The following USP37 variants were observed in gnomAD, a reference collection of about 807,000 sequenced individuals.
USP37 encodes ubiquitin specific peptidase 37.
A neutral mutation model predicts 124.0 loss-of-function variants in USP37; 27 were observed. The observed-to-expected ratio is 0.22, with a 90% CI of 0.16 to 0.30. The LOEUF is 0.30. Among genes scored for constraint, USP37 ranks in the 10% least tolerant of loss-of-function variants. The probability of loss-of-function intolerance (pLI) is 1.00; values close to 1 mark genes in which losing one functional copy is unlikely to be tolerated. For missense variants in USP37, 889 were observed against 1,140.4 expected, an observed-to-expected ratio of 0.78 and a Z score of 3.17; for synonymous variants, 365 against 388.0, an observed-to-expected ratio of 0.94 and a Z score of 0.70.
In USP37 at chr2:218,546,975, C is replaced by A; in HGVS notation, c.546G>T (p.Thr182=). 6.2e-7 allele frequency: 1 copy of A among 1,612,988 alleles called. No homozygotes were observed. The highest frequency in any genetic ancestry group is 8.5e-7 in the Non-Finnish European group (1 of 1,179,748). The part of the protein sequence containing the change: ...KTVAGSGIAR[T]IPSLTSTSTP... ...TTGAAGTAGATGTCAAAGAAGGAAT[C>A]GTCCGAGCTATTCCACTTCCTGCTA... The change falls in exon 7 of 26, where the codon ACG becomes ACT. Residue 182 remains threonine, a synonymous_variant. Coordinates refer to ENST00000258399, the MANE Select transcript of USP37 (RefSeq NM_020935.3).
chr2:218,497,982 A>G lies in USP37; in HGVS notation c.1157+44T>C, dbSNP rs149180985. 351 of 1,568,592 alleles carry G rather than the reference A, an allele frequency of 2.2e-4. 1 individual carries two copies. In the African/African-American group the frequency reaches 4.0e-3, roughly 18 times the overall value. On this transcript the variant is annotated intron_variant, in intron 12 of 25. Coordinates refer to ENST00000258399, the MANE Select transcript of USP37 (RefSeq NM_020935.3). ...CTAAAATTCCATTATTCTATAATCAATGAAGTAAAAGGTTACTCAGTAAGT... is the reference window on the plus strand; with the variant it reads ...CTAAAATTCCATTATTCTATAATCAGTGAAGTAAAAGGTTACTCAGTAAGT...
intron 1 of USP37, among the ~76,000 whole-genome samples, chr2:218,564,109 C>A (rs1216425560): frequency 6.6e-6 from 1 of 152,092 alleles, no homozygotes; most frequent in African/African-American, 2.4e-5. Context: ...GACTTCCCTA[C>A]TTTTGTCCTT....
rs1164015374 is a variant in USP37 at position 218,549,833 on chromosome 2, C to T, written c.405G>A (p.Arg135=). 5.6e-6 allele frequency: 9 copies of T among 1,612,760 alleles called. No homozygotes were observed. The highest frequency in any genetic ancestry group is 7.6e-6 in the Non-Finnish European group (9 of 1,179,568). Residue 135 remains arginine (R), a synonymous_variant, in exon 6 of 26, where the codon AGG becomes AGA. Coordinates refer to ENST00000258399, the MANE Select transcript of USP37 (RefSeq NM_020935.3). ...GSRTSQKETS[R]QLSYSDNQAS... ...CCTGATTGTCTGAGTAAGAAAGCTGCCTGCTGGTTTCCTTCTGTGAGGTCC... is the reference window on the plus strand; with the variant it reads ...CCTGATTGTCTGAGTAAGAAAGCTGTCTGCTGGTTTCCTTCTGTGAGGTCC...
In USP37 at chr2:218,546,981, A is replaced by C. The variant is rs146082271; in HGVS notation, c.540T>G (p.Ala180=). The C allele has an allele frequency of 3.7e-6, 6 of 1,613,514 alleles. No homozygotes were observed. The African/African-American group carries it at 6.7e-5, about 18-fold the overall frequency. ...SIKTVAGSGI[A]RTIPSLTSTS... ...TAGATGTCAAAGAAGGAATCGTCCG[A>C]GCTATTCCACTTCCTGCTACAGTCT... The change falls in exon 7 of 26, where the codon GCT becomes GCG. Residue 180 remains alanine, a synonymous_variant. Transcript: ENST00000258399.
intron 10 of USP37, among the ~76,000 whole-genome samples, chr2:218,519,485 T>C (rs991849359): frequency 5.3e-5 from 8 of 152,202 alleles, no homozygotes; most frequent in Non-Finnish European, 1.2e-4. Flanking sequence ...CTAGCCTCTA[T>C]TGTCCTTCTA....
intron 5 of USP37, among the ~76,000 whole-genome samples, chr2:218,550,110 T>C (rs1008909053): frequency 6.6e-6 from 1 of 151,932 alleles, no homozygotes; most frequent in Admixed American, 6.6e-5. Flanking sequence ...AGCTAGAATC[T>C]GAAGCAAAAA....
At chr2:218,464,101 C>T (rs1323239794) in intron 21 of USP37, among the ~76,000 whole-genome samples, 1 of 152,122 alleles carries the variant, frequency 6.6e-6, no homozygotes, top group Non-Finnish European at 1.5e-5. Flanking sequence ...TTGCAATCTG[C>T]CTGCCTCAGC....
intron 22 of USP37, among the ~76,000 whole-genome samples, chr2:218,463,061 G>C (rs879508983): frequency 4.6e-5 from 7 of 151,834 alleles, no homozygotes; most frequent in Non-Finnish European, 1.0e-4. Flanking sequence ...CAGCTACTCG[G>C]GAGGCTGAGG....
intron 22 of USP37, among the ~76,000 whole-genome samples, chr2:218,461,471 A>C (rs1690011087): frequency 6.6e-6 from 1 of 151,974 alleles, no homozygotes; most frequent in Admixed American, 6.6e-5. Flanking sequence ...ACGCCACTGC[A>C]CTCCAGCCTG....
chr2:218,509,878 T>G, intron 11 of USP37, 101 bp downstream of exon 11: 1 of 1,138,834 alleles, frequency 8.8e-7, no homozygotes, highest in Non-Finnish European at 1.2e-6. Context: ...TCTAAATATT[T>G]TAGAACTTTA....
intron 14 of USP37, among the ~76,000 whole-genome samples, chr2:218,495,467 T>C (rs1032801779): frequency 3.9e-5 from 6 of 152,024 alleles, no homozygotes; most frequent in Non-Finnish European, 5.9e-5. Context: ...AAAAAGACTC[T>C]GAAAAAAAGG....
At chr2:218,507,285 GTAGC>G (rs1689732874) in intron 11 of USP37, among the ~76,000 whole-genome samples, 1 of 151,758 alleles carries the variant, frequency 6.6e-6, no homozygotes, top group African/African-American at 2.4e-5. Context: ...TGCCTCCCAA[GTAGC>G]TGGGATTACA....
chr2:218,467,175 C>G (rs1269615761), intron 20 of USP37, among the ~76,000 whole-genome samples: 1 of 151,334 alleles, frequency 6.6e-6, no homozygotes, highest in Non-Finnish European at 1.5e-5. Context: ...ATCCCCTCCC[C>G]CCTCCTCCCT....
At chr2:218,501,985 GACC>G (rs1689412596) in intron 11 of USP37, among the ~76,000 whole-genome samples, 1 of 152,144 alleles carries the variant, frequency 6.6e-6, no homozygotes, top group African/African-American at 2.4e-5. Context: ...AGAGTAGAGA[GACC>G]TAGATGAATT....
chr2:218,567,488 C>T (rs867074548), intron 1 of USP37, among the ~76,000 whole-genome samples: 10 of 152,306 alleles, frequency 6.6e-5, no homozygotes, highest in Middle Eastern at 6.8e-3. Context: ...CCTAAGATCT[C>T]CAAACCCACT....
chr2:218,507,486 A>T (rs1000225938), intron 11 of USP37, among the ~76,000 whole-genome samples: 1 of 152,140 alleles, frequency 6.6e-6, no homozygotes, highest in African/African-American at 2.4e-5. Flanking sequence ...TACCCACTGT[A>T]AACGGTTTAC....
In USP37 at chr2:218,513,531, G is replaced by A. The variant is rs374712566; in HGVS notation, c.864-3391C>T. Among the ~76,000 whole-genome samples, 17 of 152,196 alleles carry A rather than the reference G, an allele frequency of 1.1e-4. No individual in the cohort carries two copies. The East Asian group carries it at 1.9e-3, about 17-fold the overall frequency. On this transcript the variant is annotated intron_variant, in intron 10 of 25. Transcript: ENST00000258399. ...TACTCCCAAAAGTATCCTGGTGCCC[G>A]TTTGTATCCCTTCCTCCCACTCCTC...
chr2:218,553,621 A>G lies in USP37; in HGVS notation c.260T>C (p.Val87Ala). The change falls in exon 5 of 26, where the codon GTA becomes GCA. Residue 87 changes from valine to alanine, a missense_variant. By Grantham distance (64) the Val-to-Ala change is moderately conservative (BLOSUM62 0). Transcript: ENST00000258399. ...CATTTCCTCTGCATCCTTACTTGGT[A>G]CTTTGTCAATAGACAAGAAGCTGTT... ...QDNSFLSIDK[V>A]PSKDAEEMRL... 6.2e-7 allele frequency: 1 copy of G among 1,614,030 alleles called. No individual in the cohort carries two copies. Among genetic ancestry groups the G allele is most frequent in the Non-Finnish European group, 8.5e-7 (1 of 1,179,960 alleles).
intron 20 of USP37, 90 bp downstream of exon 20, chr2:218,474,540 A>G: frequency 6.5e-7 from 1 of 1,530,054 alleles, no homozygotes; most frequent in Non-Finnish European, 8.8e-7. Context: ...TTTTCTATTT[A>G]TCTCCCGTTA....
Sources: gnomAD v4.1 joint callset for allele counts (sites outside exome capture counted in the v4.1 genomes callset) on GRCh38, gnomAD v4.1.1 for gene constraint, MANE v1.5 for transcripts, NCBI Gene and HGNC (gene_info 2026-07-23, HGNC 2026-07-21) for gene names.